Variants in KCNT2 observed in about 807,000 individuals in gnomAD.
KCNT2 encodes the protein potassium sodium-activated channel subfamily T member 2, also known as potassium channel subfamily T member 2.
Under a neutral mutation model 153.8 loss-of-function variants are expected in KCNT2, and 67 were observed. That is an observed-to-expected ratio of 0.44 (90% CI 0.36 to 0.53). KCNT2 has a LOEUF of 0.53. Among genes scored for constraint, KCNT2 ranks in the 20% least tolerant of loss-of-function variants. The probability of loss-of-function intolerance (pLI) is 0.00; values close to 1 mark genes in which losing one functional copy is unlikely to be tolerated. For missense variants in KCNT2, 975 were observed against 1,354.8 expected (o/e 0.72, Z 4.40); for synonymous variants, 500 against 458.8 (o/e 1.09, Z -1.15).
intron 1 of KCNT2, among the ~76,000 whole-genome samples, chr1:196,584,087 G>A (rs1387451765): frequency 6.6e-6 from 1 of 151,130 alleles, no homozygotes; most frequent in Non-Finnish European, 1.5e-5. Flanking sequence ...CCAAACTAAA[G>A]GAACTATAAA....
At chr1:196,537,376 C>T (rs1373674037) in intron 1 of KCNT2, among the ~76,000 whole-genome samples, 1 of 152,172 alleles carries the variant, frequency 6.6e-6, no homozygotes, top group Non-Finnish European at 1.5e-5. Flanking sequence ...CATAGTGGTA[C>T]TGTCCCAGTT....
chr1:196,386,912 A>G (rs1670038407), intron 13 of KCNT2, among the ~76,000 whole-genome samples: 2 of 152,204 alleles, frequency 1.3e-5, no homozygotes, highest in Admixed American at 1.3e-4. Context: ...ATAGACTAAT[A>G]CATATTCATA....
chr1:196,425,809 A>T lies in KCNT2; in HGVS notation c.1121+43T>A, dbSNP rs777324468. On this transcript the variant is annotated intron_variant, in intron 11 of 27. Transcript: ENST00000294725. ...TGGAGGAAAGAGAAAATATTAAGTCACTCAAAACTGTAAGCTGCAAGATGA... is the reference window on the plus strand; with the variant it reads ...TGGAGGAAAGAGAAAATATTAAGTCTCTCAAAACTGTAAGCTGCAAGATGA... 3 of 1,601,506 alleles carry T rather than the reference A, an allele frequency of 1.9e-6. No individual in the cohort carries two copies. In the South Asian group the frequency reaches 3.3e-5, roughly 18 times the overall value.
intron 5 of KCNT2, among the ~76,000 whole-genome samples, chr1:196,477,852 A>G (rs1044422844): frequency 5.9e-5 from 9 of 152,166 alleles, no homozygotes; most frequent in Non-Finnish European, 7.3e-5. Flanking sequence ...CCCATGCATG[A>G]TAGATTCTCA....
At chr1:196,355,051 G>T (rs1667058623) in intron 14 of KCNT2, among the ~76,000 whole-genome samples, 1 of 151,670 alleles carries the variant, frequency 6.6e-6, no homozygotes, top group Admixed American at 6.6e-5. Context: ...GGGGGTATGT[G>T]GGGTACACAG....
chr1:196,444,446 T>C (rs1057068688), intron 8 of KCNT2, among the ~76,000 whole-genome samples: 2 of 151,378 alleles, frequency 1.3e-5, no homozygotes, highest in African/African-American at 4.8e-5. Context: ...TTTGAATTTA[T>C]ATTTCGTCGT....
intron 1 of KCNT2, among the ~76,000 whole-genome samples, chr1:196,603,316 A>C (rs1664963460): frequency 6.6e-6 from 1 of 152,160 alleles, no homozygotes; most frequent in Non-Finnish European, 1.5e-5. Context: ...GGCGCTCAAA[A>C]ATTTAAAATT....
chr1:196,504,334 G>C (rs1438534416), intron 1 of KCNT2, among the ~76,000 whole-genome samples: 2 of 150,330 alleles, frequency 1.3e-5, no homozygotes, highest in African/African-American at 4.9e-5. Flanking sequence ...AACATGCGGT[G>C]TTTGGTTTTT....
At chr1:196,359,171 A>G (rs1021218773) in intron 14 of KCNT2, among the ~76,000 whole-genome samples, 1 of 152,022 alleles carries the variant, frequency 6.6e-6, no homozygotes, top group Non-Finnish European at 1.5e-5. Flanking sequence ...AATATACATA[A>G]CTTGAATTAA....
At chr1:196,546,855 G>A (rs1185923556) in intron 1 of KCNT2, among the ~76,000 whole-genome samples, 1 of 151,978 alleles carries the variant, frequency 6.6e-6, no homozygotes, top group Non-Finnish European at 1.5e-5. Flanking sequence ...GTACGTCATG[G>A]AACATTGATT....
intron 13 of KCNT2, among the ~76,000 whole-genome samples, chr1:196,387,801 T>C (rs1670123508): frequency 6.6e-6 from 1 of 151,970 alleles, no homozygotes; most frequent in Non-Finnish European, 1.5e-5. Context: ...GTTCTTTATA[T>C]ACGTTTGGAT....
intron 25 of KCNT2, among the ~76,000 whole-genome samples, chr1:196,266,868 G>A (rs576149912): frequency 2.2e-4 from 34 of 152,244 alleles, no homozygotes; most frequent in African/African-American, 5.3e-4. Context: ...AAAGTCATAA[G>A]GATTTGACAA....
intron 14 of KCNT2, among the ~76,000 whole-genome samples, chr1:196,342,444 ATATG>A (rs987103607): frequency 2.4e-5 from 3 of 125,706 alleles, no homozygotes; most frequent in South Asian, 2.7e-4. Flanking sequence ...ATATATATAT[ATATG>A]TATATATATA....
chr1:196,409,994 T>C (rs1403193740), intron 12 of KCNT2, among the ~76,000 whole-genome samples: 3 of 151,694 alleles, frequency 2.0e-5, no homozygotes, highest in African/African-American at 7.2e-5. Context: ...TCCTAAGAGA[T>C]ATAAGGTGAT....
chr1:196,307,124 C>T (rs1661706392), intron 21 of KCNT2, among the ~76,000 whole-genome samples: 1 of 152,032 alleles, frequency 6.6e-6, no homozygotes, highest in Non-Finnish European at 1.5e-5. Context: ...TTCAATAGTT[C>T]TGTGACCTTA....
intron 1 of KCNT2, among the ~76,000 whole-genome samples, chr1:196,576,763 A>G (rs1426388129): frequency 6.6e-6 from 1 of 152,112 alleles, no homozygotes; most frequent in Non-Finnish European, 1.5e-5. Context: ...TTTCTATGTC[A>G]CTAGGCAGTG....
chr1:196,447,933 C>T (rs1356175958), intron 8 of KCNT2, among the ~76,000 whole-genome samples: 1 of 150,078 alleles, frequency 6.7e-6, no homozygotes, highest in Non-Finnish European at 1.5e-5. Flanking sequence ...TAACTCTTAC[C>T]AAAGGTCTGG....
At chr1:196,340,277 G>T in intron 16 of KCNT2, 64 bp downstream of exon 16, 1 of 988,016 alleles carries the variant, frequency 1.0e-6, no homozygotes, top group Non-Finnish European at 1.5e-6. Context: ...AAATGCATTG[G>T]TATTTATCAT....
chr1:196,539,050 T>G (rs530967857), intron 1 of KCNT2, among the ~76,000 whole-genome samples: 2 of 152,200 alleles, frequency 1.3e-5, no homozygotes, highest in Non-Finnish European at 2.9e-5. Context: ...TCATGCAGTT[T>G]AATCAAGTGT....
Sources: allele counts gnomAD v4.1 joint callset (sites outside exome capture counted in the v4.1 genomes callset), GRCh38; gene constraint gnomAD v4.1.1; transcripts MANE v1.5; gene names NCBI Gene and HGNC (gene_info 2026-07-23, HGNC 2026-07-21).